The following RASA1 variants were observed in gnomAD, a reference collection of about 807,000 sequenced individuals.
RASA1 encodes RAS p21 protein activator 1.
RASA1 carries 25 observed loss-of-function variants against 132.2 expected under a neutral mutation model. The ratio of observed to expected loss-of-function variants is 0.19; its 90% CI spans 0.14 to 0.26. RASA1 has a LOEUF of 0.26. Among genes scored for constraint, RASA1 ranks in the 10% least tolerant of loss-of-function variants. RASA1 has a pLI of 1.00. For missense variants in RASA1, 964 were observed against 1,299.2 expected (o/e 0.74, Z 3.97); for synonymous variants, 477 against 449.9 (o/e 1.06, Z -0.76).
chr5:87,319,948 T>C (rs1274121951), intron 1 of RASA1, among the ~76,000 whole-genome samples: 3 of 152,212 alleles, frequency 2.0e-5, no homozygotes, highest in Non-Finnish European at 4.4e-5. Context: ...CATATACTTT[T>C]AGAAAAATAC....
At chr5:87,271,494 AGTTTCGCT>A (rs1027395073) in intron 1 of RASA1, among the ~76,000 whole-genome samples, 1 of 88,794 alleles carries the variant, frequency 1.1e-5, no homozygotes, top group African/African-American at 4.6e-5. Flanking sequence ...TGAGAGATGG[AGTTTCGCT>A]GTTTCGCCCA....
chr5:87,380,687 T>C (rs560212566), intron 20 of RASA1, 92 bp downstream of exon 20: 1 of 1,189,990 alleles, frequency 8.4e-7, no homozygotes, highest in South Asian at 1.2e-5. Flanking sequence ...TCAATGCTTT[T>C]TTCTTTGGCT....
intron 12 of RASA1, 79 bp downstream of exon 12, chr5:87,369,979 C>T (rs1003549600): frequency 3.9e-5 from 47 of 1,192,694 alleles, no homozygotes; most frequent in Admixed American, 2.0e-4. Context: ...AGAAAATGAT[C>T]GCATTCAAGA....
At chr5:87,366,451 G>A (rs896420798) in intron 11 of RASA1, 7 of 332,944 alleles carry the variant, frequency 2.1e-5, no homozygotes, top group Non-Finnish European at 6.2e-6. Context: ...AGAAGGATCA[G>A]ATCCTTGAAG....
intron 1 of RASA1, among the ~76,000 whole-genome samples, chr5:87,322,594 C>G (rs1756910259): frequency 6.6e-6 from 1 of 152,094 alleles, no homozygotes; most frequent in Non-Finnish European, 1.5e-5. Context: ...CCTTTGCCTT[C>G]TGCCATGAGT....
chr5:87,276,732 T>C (rs1754076589), intron 1 of RASA1, among the ~76,000 whole-genome samples: 1 of 152,198 alleles, frequency 6.6e-6, no homozygotes, highest in African/African-American at 2.4e-5. Flanking sequence ...TTCAGTATCA[T>C]TCATTTAGGA....
At chr5:87,306,661 A>G (rs759233608) in intron 1 of RASA1, among the ~76,000 whole-genome samples, 48 of 152,136 alleles carry the variant, frequency 3.2e-4, no homozygotes, top group Non-Finnish European at 5.1e-4. Flanking sequence ...CATTTTTACT[A>G]TGATATGCCT....
chr5:87,274,043 G>C (rs1479435638), intron 1 of RASA1, among the ~76,000 whole-genome samples: 1 of 152,154 alleles, frequency 6.6e-6, no homozygotes, highest in Admixed American at 6.5e-5. Flanking sequence ...AGCATCTCTA[G>C]AAAACCCACA....
At chr5:87,338,939 T>G (rs1368910619) in intron 5 of RASA1, among the ~76,000 whole-genome samples, 1 of 152,142 alleles carries the variant, frequency 6.6e-6, no homozygotes, top group Admixed American at 6.6e-5. Context: ...ACCAGGTGCA[T>G]TTTTAATAAC....
rs776195697 is a variant in RASA1, at chr5:87,332,487, A to AT, written c.693-14dup. The stretch of plus-strand genomic sequence containing the variant: ...GGCTGTAAAGATTTTTTTATACTGT[A>AT]TTTTTTCCTGTTCAAATAGGATTAT... On this transcript the variant is annotated intron_variant, in intron 2 of 24. Transcript: ENST00000274376. 219 of 1,597,130 alleles carry AT rather than the reference A, an allele frequency of 1.4e-4. 1 individual carries two copies. In the Admixed American group the frequency reaches 3.5e-3, roughly 25 times the overall value.
chr5:87,285,718 A>G (rs1014612310), intron 1 of RASA1, among the ~76,000 whole-genome samples: 1 of 148,834 alleles, frequency 6.7e-6, no homozygotes, highest in South Asian at 2.1e-4. Flanking sequence ...TCCCAGGTTC[A>G]AGCGATTCTT....
intron 1 of RASA1, among the ~76,000 whole-genome samples, chr5:87,288,603 ATCT>A (rs1172074528): frequency 6.6e-6 from 1 of 152,158 alleles, no homozygotes; most frequent in Non-Finnish European, 1.5e-5. Context: ...GTCAGGTGTC[ATCT>A]AAGTACAAGT....
chr5:87,343,101 C>T (rs780161303), intron 6 of RASA1, among the ~76,000 whole-genome samples: 4 of 152,004 alleles, frequency 2.6e-5, no homozygotes, highest in African/African-American at 7.2e-5. Context: ...TAGGGACTGT[C>T]GCAGTACTTT....
intron 5 of RASA1, among the ~76,000 whole-genome samples, chr5:87,338,530 T>A (rs1758162711): frequency 1.0e-5 from 1 of 97,492 alleles, no homozygotes; most frequent in African/African-American, 3.7e-5. Flanking sequence ...TATATATATA[T>A]ATAAAATTTT....
At chr5:87,274,451 A>AT (rs1299868766) in intron 1 of RASA1, among the ~76,000 whole-genome samples, 12 of 152,202 alleles carry the variant, frequency 7.9e-5, no homozygotes, top group Admixed American at 7.9e-4. Context: ...CTTAATAAAA[A>AT]TGGGGGTGAG....
rs574188903 is a variant in RASA1, at chr5:87,309,710, T to C, written c.540-21638T>C. On this transcript the variant is annotated intron_variant, in intron 1 of 24. Transcript: ENST00000274376. ...TCAGTCTTTGTATATTTCTTTGATT[T>C]TTGGTTTTTGTTTTGGCTTTTAAGC... Among the ~76,000 whole-genome samples, 8 of 152,216 alleles carry C rather than the reference T, an allele frequency of 5.3e-5. No individual in the cohort carries two copies. In the South Asian group the frequency reaches 6.2e-4, roughly 12 times the overall value.
chr5:87,372,936 T>C (rs527347178), intron 13 of RASA1, among the ~76,000 whole-genome samples: 3 of 152,296 alleles, frequency 2.0e-5, no homozygotes, highest in South Asian at 4.1e-4. Context: ...GGTGACTAAA[T>C]AGTCCCTGTA....
chr5:87,346,920 T>A (rs1758903876), intron 7 of RASA1, among the ~76,000 whole-genome samples, 196 bp downstream of exon 7: 1 of 152,010 alleles, frequency 6.6e-6, no homozygotes, highest in Admixed American at 6.6e-5. Context: ...GTCAAGTGTG[T>A]TTTTCTTTTA....
intron 4 of RASA1, among the ~76,000 whole-genome samples, chr5:87,334,950 C>T (rs1244451218): frequency 6.6e-6 from 1 of 152,002 alleles, no homozygotes; most frequent in Non-Finnish European, 1.5e-5. Flanking sequence ...GTGGCACGAT[C>T]TTGCCTCACT....
Sources: allele counts gnomAD v4.1 joint callset (sites outside exome capture counted in the v4.1 genomes callset), GRCh38; gene constraint gnomAD v4.1.1; transcripts MANE v1.5; gene names NCBI Gene and HGNC (gene_info 2026-07-23, HGNC 2026-07-21).